GRIN2B: variants seen among roughly 807,000 people sequenced by gnomAD.
GRIN2B encodes glutamate ionotropic receptor NMDA type subunit 2B.
GRIN2B carries 5 observed loss-of-function variants against 114.5 expected under a neutral mutation model. The ratio of observed to expected loss-of-function variants is 0.04; its 90% CI spans 0.02 to 0.09. GRIN2B has a LOEUF of 0.09. GRIN2B is among the 10% of genes least tolerant of loss of function. GRIN2B has a pLI of 1.00. For missense variants in GRIN2B, 1,108 were observed against 1,943.5 expected (o/e 0.57, Z 8.08); for synonymous variants, 787 against 745.1 (o/e 1.06, Z -0.92).
At chr12:13,771,786 G>A (rs1221763932) in intron 3 of GRIN2B, among the ~76,000 whole-genome samples, 1 of 152,184 alleles carries the variant, frequency 6.6e-6, no homozygotes, top group Non-Finnish European at 1.5e-5. Context: ...TTTACAAACT[G>A]GTTACGTTGT....
At chr12:13,799,199 A>G (rs1864465019) in intron 3 of GRIN2B, among the ~76,000 whole-genome samples, 1 of 152,250 alleles carries the variant, frequency 6.6e-6, no homozygotes, top group South Asian at 2.1e-4. Context: ...AATCATGGCC[A>G]CTGATGTAAC....
chr12:13,733,299 T>G (rs1863118327), intron 4 of GRIN2B, among the ~76,000 whole-genome samples: 1 of 43,600 alleles, frequency 2.3e-5, no homozygotes, highest in Non-Finnish European at 6.8e-5. Context: ...GTTTCAAGTT[T>G]TTTTTTTTTT....
intron 4 of GRIN2B, among the ~76,000 whole-genome samples, chr12:13,743,288 G>A (rs2136618174): frequency 6.6e-6 from 1 of 152,260 alleles, no homozygotes; most frequent in East Asian, 1.9e-4. Flanking sequence ...TGTTGGTTAT[G>A]TTCTAGATAC....
At chr12:13,741,055 T>G (rs1225113297) in intron 4 of GRIN2B, among the ~76,000 whole-genome samples, 1 of 152,144 alleles carries the variant, frequency 6.6e-6, no homozygotes, top group Non-Finnish European at 1.5e-5. Flanking sequence ...TTATTTTATT[T>G]TATTGCGATG....
chr12:13,887,535 T>C (rs1271322834), intron 2 of GRIN2B, among the ~76,000 whole-genome samples: 13 of 152,114 alleles, frequency 8.5e-5, no homozygotes, highest in Admixed American at 8.5e-4. Flanking sequence ...AAAGATAGCA[T>C]GAATGGAAGT....
At chr12:13,634,364 C>T (rs545563520) in intron 5 of GRIN2B, 7 of 152,350 alleles carry the variant, frequency 4.6e-5, no homozygotes, top group African/African-American at 1.7e-4. Flanking sequence ...ATAATTCCAA[C>T]ACAATAGAAT....
At chr12:13,759,729 C>G (rs1421511812) in intron 3 of GRIN2B, among the ~76,000 whole-genome samples, 1 of 152,198 alleles carries the variant, frequency 6.6e-6, no homozygotes, top group East Asian at 1.9e-4. Flanking sequence ...ACCCCCTAGT[C>G]TAATGCTCAA....
chr12:13,694,984 A>G (rs1950248163), intron 4 of GRIN2B, among the ~76,000 whole-genome samples: 1 of 151,938 alleles, frequency 6.6e-6, no homozygotes, highest in Admixed American at 6.6e-5. Flanking sequence ...CCTACTTTAG[A>G]AGTGACAGAC....
intron 3 of GRIN2B, among the ~76,000 whole-genome samples, chr12:13,779,228 G>A (rs1167897921): frequency 6.6e-6 from 1 of 152,058 alleles, no homozygotes; most frequent in African/African-American, 2.4e-5. Flanking sequence ...ATTTTTAGTA[G>A]AGACGGAGTT....
At chr12:13,838,593 C>G (rs918015830) in intron 3 of GRIN2B, among the ~76,000 whole-genome samples, 1 of 152,106 alleles carries the variant, frequency 6.6e-6, no homozygotes, top group African/African-American at 2.4e-5. Flanking sequence ...GTCTTTTCTC[C>G]CCACCACCCC....
chr12:13,571,126 C>T (rs922032953), intron 11 of GRIN2B, among the ~76,000 whole-genome samples: 1 of 152,174 alleles, frequency 6.6e-6, no homozygotes, highest in African/African-American at 2.4e-5. Context: ...GGTCCAAGTG[C>T]TGTTAGTCAT....
chr12:13,556,252 T>C lies in GRIN2B; in HGVS notation c.*6531A>G, dbSNP rs145635796. On this transcript the variant is annotated 3_prime_UTR_variant, in exon 14 of 14. Coordinates refer to ENST00000609686, the MANE Select transcript of GRIN2B (RefSeq NM_000834.5). ...ATGTTTTTTCAAATAGCATAATGGA[T>C]ATCTTTGACTCCTACCCTGAAACCA... 3.4e-3 allele frequency: 523 copies of C among 152,304 alleles called. 4 individuals are homozygous for C. The highest frequency in any genetic ancestry group is 0.012 in the African/African-American group (507 of 41,568). 9.4% of individuals were successfully genotyped at this position (152,304 alleles called of 1,614,324 possible).
intron 2 of GRIN2B, among the ~76,000 whole-genome samples, chr12:13,874,181 G>A (rs899805100): frequency 2.6e-5 from 4 of 152,146 alleles, no homozygotes; most frequent in Admixed American, 2.0e-4. Flanking sequence ...AACCTCTCCC[G>A]AGTAAGAGCC....
chr12:13,811,210 A>C (rs1864722567), intron 3 of GRIN2B, among the ~76,000 whole-genome samples: 1 of 152,208 alleles, frequency 6.6e-6, no homozygotes, highest in Non-Finnish European at 1.5e-5. Context: ...CTCTCCTCCT[A>C]TTCTCATCTG....
chr12:13,605,547 T>TGACA (rs1276977554), intron 10 of GRIN2B, among the ~76,000 whole-genome samples: 14 of 49,036 alleles, frequency 2.9e-4, no homozygotes, highest in Admixed American at 5.8e-4. Flanking sequence ...TCTCTCTCTC[T>TGACA]CTCTGACACA....
intron 3 of GRIN2B, among the ~76,000 whole-genome samples, chr12:13,759,094 GCCTCT>G (rs1314907319): frequency 4.4e-5 from 6 of 136,468 alleles, no homozygotes; most frequent in African/African-American, 1.7e-4. Flanking sequence ...TGTAACCTCT[GCCTCT>G]CAGGTTCAAG....
intron 3 of GRIN2B, among the ~76,000 whole-genome samples, chr12:13,864,828 A>T (rs774857527): frequency 6.6e-6 from 1 of 152,180 alleles, no homozygotes; most frequent in Non-Finnish European, 1.5e-5. Flanking sequence ...CTCTAGAATC[A>T]CCTGGGGAGC....
intron 3 of GRIN2B, among the ~76,000 whole-genome samples, chr12:13,834,020 CTTTTTTTTT>C (rs71067731): frequency 3.0e-4 from 22 of 72,588 alleles, no homozygotes; most frequent in Admixed American, 2.5e-3. Context: ...TTGCTAACTT[CTTTTTTTTT>C]TTTTTTTTTT....
At chr12:13,808,209 G>C (rs1209060046) in intron 3 of GRIN2B, among the ~76,000 whole-genome samples, 1 of 152,040 alleles carries the variant, frequency 6.6e-6, no homozygotes, top group Non-Finnish European at 1.5e-5. Context: ...CTGAAGGGGT[G>C]CTAACTGATG....
Sources: allele counts gnomAD v4.1 joint callset (sites outside exome capture counted in the v4.1 genomes callset), GRCh38; gene constraint gnomAD v4.1.1; transcripts MANE v1.5; gene names NCBI Gene and HGNC (gene_info 2026-07-23, HGNC 2026-07-21).